Variants in BTBD1 observed in about 807,000 individuals in gnomAD.
The protein encoded by BTBD1 is BTB/POZ domain-containing protein 1.
BTBD1 carries 34 observed loss-of-function variants against 48.0 expected under a neutral mutation model. The ratio of observed to expected loss-of-function variants is 0.71; its 90% CI spans 0.54 to 0.94. The LOEUF (loss-of-function observed/expected upper bound fraction) is 0.94. BTBD1 is among the 40% of genes least tolerant of loss of function. The pLI is 0.00. For missense variants in BTBD1, 543 were observed against 625.6 expected, an observed-to-expected ratio of 0.87 and a Z score of 1.41; for synonymous variants, 261 against 242.1, an observed-to-expected ratio of 1.08 and a Z score of -0.72.
At chr15:83,047,557 T>A (rs2032903985) in intron 3 of BTBD1, among the ~76,000 whole-genome samples, 1 of 152,172 alleles carries the variant, frequency 6.6e-6, no homozygotes. Context: ...ATCTTGCAAC[T>A]GAATGGGACC....
At chr15:83,050,303 C>T in intron 2 of BTBD1, 125 bp from the exon 3 acceptor site, 2 of 570,628 alleles carry the variant, frequency 3.5e-6, no homozygotes, top group East Asian at 5.7e-5. Context: ...ACTTAAAATA[C>T]ACGCAATAAT....
intron 4 of BTBD1, among the ~76,000 whole-genome samples, chr15:83,035,053 G>T (rs1024002488): frequency 6.6e-6 from 1 of 152,140 alleles, no homozygotes. Flanking sequence ...TAGCATTTTG[G>T]GAGGCCATGA....
intron 5 of BTBD1, among the ~76,000 whole-genome samples, chr15:83,029,360 A>G (rs1321196228): frequency 6.6e-6 from 1 of 152,234 alleles, no homozygotes; most frequent in African/African-American, 2.4e-5. Flanking sequence ...TTTCTTCAAC[A>G]GGATTATACG....
In BTBD1 at chr15:83,067,223, G is replaced by A. The variant is rs1269987050; in HGVS notation, c.-72C>T. The stretch of plus-strand genomic sequence containing the variant: ...ATCGCCCAGGCCGCCTCCGGAGGCC[G>A]GCGCTGCCTCCCTGCCTTCCGGGAA... On this transcript the variant is annotated 5_prime_UTR_variant, in exon 1 of 8. Transcript: ENST00000261721. 4 of 1,303,462 alleles carry A rather than the reference G, an allele frequency of 3.1e-6. No individual in the cohort carries two copies. The highest frequency in any genetic ancestry group is 1.5e-5 in the African/African-American group (1 of 65,100). The allele number at this position is 1,303,462 out of a possible 1,614,324, so 80.7% of individuals were successfully genotyped here. A position where few individuals can be genotyped will look rare whatever the true frequency, so the allele number is the denominator to read the frequency against.
rs1449127448 is a variant in BTBD1 at position 83,067,040 on chromosome 15, G to C, written c.112C>G (p.Leu38Val). ...PPSPSSLGPL[L>V]PLQREPLYNW... Reference sequence around the variant, plus strand: ...TAGAGAGGTTCCCGCTGCAGGGGGAGCAGGGGCCCCAGAGAGGACGGTGAG... The same window carrying C: ...TAGAGAGGTTCCCGCTGCAGGGGGACCAGGGGCCCCAGAGAGGACGGTGAG... Residue 38 changes from leucine to valine, a missense_variant, in exon 1 of 8, where the codon CTC (leucine) becomes GTC (valine). Physicochemically the swap from Leu to Val is conservative, Grantham distance 32. Around this residue, in one of 3 missense-constraint regions of BTBD1, gnomAD observed 173 missense variants for 163.9 expected, o/e 1.06. Coordinates refer to ENST00000261721, the MANE Select transcript of BTBD1 (RefSeq NM_025238.4). The C allele has an allele frequency of 1.3e-6, 2 of 1,582,240 alleles. No homozygotes were observed. Among genetic ancestry groups the C allele is most frequent in the Non-Finnish European group, 1.7e-6 (2 of 1,166,804 alleles).
At chr15:83,025,226 C>A (rs562433075) in intron 5 of BTBD1, among the ~76,000 whole-genome samples, 3 of 151,594 alleles carry the variant, frequency 2.0e-5, no homozygotes, top group African/African-American at 7.3e-5. Context: ...TGGTGGCAGA[C>A]GCCTGTAATC....
chr15:83,052,842 G>C (rs749818481), intron 2 of BTBD1, among the ~76,000 whole-genome samples: 9 of 116,532 alleles, frequency 7.7e-5, no homozygotes, highest in Non-Finnish European at 1.4e-4. Flanking sequence ...GGGTTTCACT[G>C]TGTTAGCCAG....
intron 1 of BTBD1, among the ~76,000 whole-genome samples, chr15:83,065,231 C>T (rs911666121): frequency 6.6e-6 from 1 of 152,184 alleles, no homozygotes; most frequent in African/African-American, 2.4e-5. Flanking sequence ...ATCTATAGCA[C>T]CAAACTGTTT....
intron 4 of BTBD1, among the ~76,000 whole-genome samples, chr15:83,034,955 C>CA (rs1038338907): frequency 1.3e-5 from 2 of 152,142 alleles, no homozygotes; most frequent in African/African-American, 4.8e-5. Flanking sequence ...CTGCACATAA[C>CA]AAAGAAGAAT....
rs914862063 is a variant in BTBD1 at position 83,017,908 on chromosome 15, A to C, written c.*159T>G. ...TGGAAAATCTGTTTTTAAATCATGC[A>C]AAGATTTAAATAAGCATTTTTCTAT... On this transcript the variant is annotated 3_prime_UTR_variant, in exon 8 of 8. Transcript: ENST00000261721. 6.8e-6 allele frequency: 3 copies of C among 439,680 alleles called. No individual in the cohort carries two copies. Among genetic ancestry groups the C allele is most frequent in the South Asian group, 1.5e-4 (2 of 13,096 alleles). 27.2% of individuals were successfully genotyped at this position (439,680 alleles called of 1,614,324 possible). A position where few individuals can be genotyped will look rare whatever the true frequency, so the allele number is the denominator to read the frequency against.
At chr15:83,049,649 C>G (rs2032941143) in intron 3 of BTBD1, among the ~76,000 whole-genome samples, 1 of 151,834 alleles carries the variant, frequency 6.6e-6, no homozygotes, top group Non-Finnish European at 1.5e-5. Flanking sequence ...CAGAGGTAAA[C>G]TTGTGTCATC....
intron 1 of BTBD1, among the ~76,000 whole-genome samples, chr15:83,065,504 T>C (rs1320340340): frequency 1.3e-5 from 2 of 152,268 alleles, no homozygotes; most frequent in African/African-American, 4.8e-5. Flanking sequence ...CTTGTTCATC[T>C]TTCTGATTCA....
At position 83,041,709 on chromosome 15, in the gene BTBD1, G is replaced by C. The variant is rs1261725681; in HGVS notation, c.862+19C>G. ...ATTAAAACAGTTTCAAATAGATTTT[G>C]GTGAATTTATACCCTTACCTGCTGC... On this transcript the variant is annotated intron_variant, in intron 4 of 7. Transcript: ENST00000261721. The C allele has an allele frequency of 1.2e-6, 2 of 1,607,676 alleles. No homozygotes were observed. The highest frequency in any genetic ancestry group is 1.7e-6 in the Non-Finnish European group (2 of 1,174,346).
At chr15:83,033,148 C>T (rs1167377582) in intron 4 of BTBD1, among the ~76,000 whole-genome samples, 1 of 151,502 alleles carries the variant, frequency 6.6e-6, no homozygotes, top group Non-Finnish European at 1.5e-5. Flanking sequence ...TTGTTTGAGG[C>T]CAGAATTTTG....
chr15:83,042,225 T>C (rs1045620520), intron 3 of BTBD1, among the ~76,000 whole-genome samples: 3 of 151,370 alleles, frequency 2.0e-5, no homozygotes, highest in Admixed American at 6.6e-5. Context: ...CAGAATAAGA[T>C]TAACAAGCCA....
intron 4 of BTBD1, among the ~76,000 whole-genome samples, chr15:83,035,030 A>G (rs538318293): frequency 1.3e-5 from 2 of 152,338 alleles, no homozygotes; most frequent in South Asian, 4.1e-4. Flanking sequence ...ACGGTGGCTC[A>G]TGCCTGTAAT....
intron 1 of BTBD1, among the ~76,000 whole-genome samples, chr15:83,062,967 G>C (rs563375520): frequency 2.0e-5 from 3 of 152,074 alleles, no homozygotes; most frequent in Admixed American, 1.3e-4. Context: ...CAGGGTTATC[G>C]ATAGCTTCCA....
intron 5 of BTBD1, among the ~76,000 whole-genome samples, chr15:83,026,824 T>C (rs1272414357): frequency 6.6e-6 from 1 of 152,056 alleles, no homozygotes; most frequent in Non-Finnish European, 1.5e-5. Flanking sequence ...GCCCAGCCTT[T>C]TAGTGCAATT....
In BTBD1 at chr15:83,021,193, A is replaced by C. The variant is rs563807742; in HGVS notation, c.1056-431T>G. Among the ~76,000 whole-genome samples, 16 of 152,346 alleles carry C rather than the reference A, an allele frequency of 1.1e-4. No homozygotes were observed. The South Asian group carries it at 3.1e-3, about 30-fold the overall frequency. The stretch of plus-strand genomic sequence containing the variant: ...TGGCACTGCGGAAGTAATGGTCAAC[A>C]AGACAGTTTCTACCTGCATTGTGCA... On this transcript the variant is annotated intron_variant, in intron 5 of 7. Transcript: ENST00000261721.
Sources: allele counts gnomAD v4.1 joint callset (sites outside exome capture counted in the v4.1 genomes callset), GRCh38; gene constraint gnomAD v4.1.1; regional missense constraint gnomAD v4.1.1; transcripts MANE v1.5; gene names NCBI Gene and HGNC (gene_info 2026-07-23, HGNC 2026-07-21).